EPM2A: variants seen among roughly 807,000 people sequenced by gnomAD.
EPM2A encodes laforin.
In EPM2A, 21 loss-of-function variants were observed where a neutral mutation model predicts 26.5. The ratio of observed to expected loss-of-function variants is 0.79; its 90% confidence interval spans 0.56 to 1.14. The LOEUF (loss-of-function observed/expected upper bound fraction) is 1.14. EPM2A is among the 50% of genes most tolerant of loss of function. The pLI, the probability that EPM2A is intolerant of heterozygous loss-of-function variation, is 0.00. For synonymous variants in EPM2A, 217 were observed against 177.6 expected (o/e 1.22, Z -1.76); for missense variants, 458 against 440.8 (o/e 1.04, Z -0.35).
At chr6:145,457,505 G>GA (rs1177568510) in intron 4 of EPM2A, among the ~76,000 whole-genome samples, 1 of 148,862 alleles carries the variant, frequency 6.7e-6, no homozygotes, top group Non-Finnish European at 1.5e-5. Context: ...AAAAGAAAAA[G>GA]AAAAAAATAT....
intron 4 of EPM2A, among the ~76,000 whole-genome samples, chr6:145,468,124 T>C (rs953075579): frequency 3.3e-5 from 5 of 152,108 alleles, no homozygotes; most frequent in Admixed American, 2.6e-4. Flanking sequence ...AATAGGAATA[T>C]TGAGAGTAGA....
At chr6:145,604,434 T>C (rs940450215) in intron 2 of EPM2A, among the ~76,000 whole-genome samples, 5 of 152,140 alleles carry the variant, frequency 3.3e-5, no homozygotes, top group Non-Finnish European at 7.4e-5. Flanking sequence ...AACATATGTA[T>C]ATTTGAATGA....
intron 2 of EPM2A, among the ~76,000 whole-genome samples, chr6:145,602,311 T>C (rs1028012964): frequency 6.6e-6 from 1 of 152,238 alleles, no homozygotes; most frequent in African/African-American, 2.4e-5. Context: ...GTTGCATTGA[T>C]AATTATACAT....
intron 4 of EPM2A, chr6:145,490,842 T>C: frequency 1.6e-6 from 1 of 644,006 alleles, no homozygotes; most frequent in Non-Finnish European, 2.9e-6. Context: ...TCTTCTTCTT[T>C]AATCTGCCCT....
At chr6:145,544,978 G>T (rs11751523) in intron 2 of EPM2A, among the ~76,000 whole-genome samples, 1,750 of 152,246 alleles carry the variant, frequency 0.011, 12 homozygotes, top group Middle Eastern at 0.078. Context: ...AACATTGCTA[G>T]GATCTTTGGT....
intron 2 of EPM2A, among the ~76,000 whole-genome samples, chr6:145,599,673 T>C (rs1217589595): frequency 2.6e-5 from 4 of 152,028 alleles, no homozygotes; most frequent in East Asian, 3.8e-4. Flanking sequence ...TCCTTAGTTA[T>C]TTGCATATAT....
intron 1 of EPM2A, among the ~76,000 whole-genome samples, chr6:145,696,219 C>A (rs1239745201): frequency 2.0e-5 from 3 of 152,142 alleles, no homozygotes; most frequent in East Asian, 3.9e-4. Context: ...AGAACATCTT[C>A]AGACAAATGA....
At chr6:145,500,039 C>T (rs181519663), downstream of EPM2A, among the ~76,000 whole-genome samples, 186 of 151,888 alleles carry the variant, frequency 1.2e-3, 1 homozygote, top group Non-Finnish European at 2.0e-3. Context: ...AGCATTTGAA[C>T]TCAGAAAAAT....
At chr6:145,700,603 G>A (rs370928049) in intron 1 of EPM2A, among the ~76,000 whole-genome samples, 40 of 152,156 alleles carry the variant, frequency 2.6e-4, no homozygotes, top group African/African-American at 8.7e-4. Context: ...TAATGCTGAG[G>A]CAGAAGGAGA....
chr6:145,446,649 TTCTC>T (rs1328848166), intron 4 of EPM2A, among the ~76,000 whole-genome samples: 1 of 152,020 alleles, frequency 6.6e-6, no homozygotes, highest in South Asian at 2.1e-4. Context: ...GATTACTTTT[TTCTC>T]TCTCTCTCTG....
intron 1 of EPM2A, among the ~76,000 whole-genome samples, chr6:145,704,942 G>A (rs532654154): frequency 2.6e-5 from 4 of 152,088 alleles, no homozygotes; most frequent in Non-Finnish European, 5.9e-5. Flanking sequence ...TTAAGACAGC[G>A]TTGCATCTTT....
intron 4 of EPM2A, among the ~76,000 whole-genome samples, chr6:145,385,372 A>G (rs1778244635): frequency 8.3e-6 from 1 of 120,360 alleles, no homozygotes; most frequent in Non-Finnish European, 1.8e-5. Context: ...GCTCATCTCA[A>G]CAATGGCTGG....
At chr6:145,723,027 G>A (rs1015590002) in intron 1 of EPM2A, among the ~76,000 whole-genome samples, 4 of 152,014 alleles carry the variant, frequency 2.6e-5, no homozygotes, top group Admixed American at 6.6e-5. Context: ...GGCTGCCTTC[G>A]CAAACAAATG....
intron 1 of EPM2A, among the ~76,000 whole-genome samples, chr6:145,713,887 T>C (rs1318186309): frequency 1.3e-5 from 2 of 152,176 alleles, no homozygotes; most frequent in Non-Finnish European, 2.9e-5. Context: ...CAATGGAATA[T>C]TACTCAGCAA....
intron 2 of EPM2A, among the ~76,000 whole-genome samples, chr6:145,618,556 A>G (rs1286030899): frequency 6.6e-6 from 1 of 152,170 alleles, no homozygotes; most frequent in African/African-American, 2.4e-5. Context: ...GTGAGTTCTC[A>G]TGAGATCTGA....
intron 1 of EPM2A, among the ~76,000 whole-genome samples, chr6:145,713,146 G>A (rs1775430444): frequency 6.6e-6 from 1 of 152,112 alleles, no homozygotes; most frequent in Middle Eastern, 3.2e-3. Flanking sequence ...TCCTGAATCT[G>A]AGATTTCTTT....
intron 2 of EPM2A, among the ~76,000 whole-genome samples, chr6:145,598,278 A>T (rs1164225009): frequency 6.6e-6 from 1 of 152,076 alleles, no homozygotes; most frequent in Admixed American, 6.6e-5. Flanking sequence ...GACTGGTGTG[A>T]GATGGTATCT....
chr6:145,708,019 G>A (rs925446694), intron 1 of EPM2A, among the ~76,000 whole-genome samples: 1 of 152,194 alleles, frequency 6.6e-6, no homozygotes, highest in Non-Finnish European at 1.5e-5. Flanking sequence ...AGATGGAGAT[G>A]AGGAACTTCT....
chr6:145,448,894 C>T (rs945768389), intron 4 of EPM2A, among the ~76,000 whole-genome samples: 3 of 152,184 alleles, frequency 2.0e-5, no homozygotes, highest in African/African-American at 4.8e-5. Context: ...TTATGAGTTA[C>T]ACCGATGCTG....
Sources: allele counts gnomAD v4.1 joint callset (sites outside exome capture counted in the v4.1 genomes callset), GRCh38; gene constraint gnomAD v4.1.1; transcripts MANE v1.5; gene names NCBI Gene and HGNC (gene_info 2026-07-23, HGNC 2026-07-21).